The following TEX26 variants were observed in gnomAD, a reference collection of about 807,000 sequenced individuals.
The protein encoded by TEX26 is testis expressed 26.
Under a neutral mutation model 35.3 loss-of-function variants are expected in TEX26, and 34 were observed. The ratio of observed to expected loss-of-function variants is 0.96; its 90% CI spans 0.73 to 1.28. The LOEUF is 1.28. TEX26 is among the 50% of genes most tolerant of loss of function. The probability of loss-of-function intolerance (pLI) is 0.00; values close to 1 mark genes in which losing one functional copy is unlikely to be tolerated. For missense variants in TEX26, 371 were observed against 330.1 expected (o/e 1.12, Z -0.96); for synonymous variants, 136 against 111.8 (o/e 1.22, Z -1.36).
rs1391218980 is a variant in TEX26 at position 30,932,768 on chromosome 13, T to A, written c.53T>A (p.Leu18His). ...APDPSLCHHN[L>H]QPTDDPNWDS... ...GATCCCTCTCTCTGCCACCACAACCTCCAGCCAAGTAAGACAGCAGACTCT... is the reference window on the plus strand; with the variant it reads ...GATCCCTCTCTCTGCCACCACAACCACCAGCCAAGTAAGACAGCAGACTCT... Residue 18 changes from leucine to histidine, a missense_variant, in exon 1 of 7, where the codon CTC (leucine) becomes CAC (histidine). By Grantham distance (99) the Leu-to-His change is moderately conservative (BLOSUM62 -3). Coordinates refer to ENST00000380473, the MANE Select transcript of TEX26 (RefSeq NM_152325.3). 1 of 1,613,834 alleles carries A rather than the reference T, an allele frequency of 6.2e-7. No homozygotes were observed.
At position 30,939,721 on chromosome 13, in the gene TEX26, C is replaced by T; in HGVS notation, c.89C>T (p.Ala30Val). Reference protein sequence around the residue: ...PTDDPNWDSYATTMRTAFTPK... With the variant: ...PTDDPNWDSYVTTMRTAFTPK... ...GATGACCCCAACTGGGATTCCTATG[C>T]TACCACTATGAGGACTGCATTCACG... The change falls in exon 2 of 7, where the codon GCT (alanine) becomes GTT (valine). Residue 30 changes from alanine to valine, a missense_variant. Coordinates refer to ENST00000380473, the MANE Select transcript of TEX26 (RefSeq NM_152325.3). 6.2e-7 allele frequency: 1 copy of T among 1,614,080 alleles called. No homozygotes were observed. The highest frequency in any genetic ancestry group is 2.2e-5 in the East Asian group (1 of 44,880).
At chr13:30,937,197 C>A (rs754879169) in intron 1 of TEX26, among the ~76,000 whole-genome samples, 6 of 152,152 alleles carry the variant, frequency 3.9e-5, no homozygotes, top group Non-Finnish European at 5.9e-5. Context: ...GTCCGTCAGA[C>A]TCCTGATCCA....
chr13:30,949,803 C>T (rs957452855), intron 2 of TEX26, among the ~76,000 whole-genome samples: 6 of 152,022 alleles, frequency 3.9e-5, no homozygotes, highest in East Asian at 1.9e-4. Context: ...ATACCAATCA[C>T]GTATAAAAAC....
At chr13:30,952,262 G>A (rs569849916) in intron 2 of TEX26, among the ~76,000 whole-genome samples, 4 of 151,756 alleles carry the variant, frequency 2.6e-5, no homozygotes, top group African/African-American at 9.7e-5. Flanking sequence ...ATTTCATTAT[G>A]GGCTTGAAAC....
At chr13:30,955,445 A>C (rs1954092062) in intron 3 of TEX26, among the ~76,000 whole-genome samples, 1 of 152,226 alleles carries the variant, frequency 6.6e-6, no homozygotes, top group South Asian at 2.1e-4. Flanking sequence ...GATAAATCAT[A>C]ATTTTATGTA....
chr13:30,932,685 C>G lies in TEX26; in HGVS notation c.-31C>G, dbSNP rs1409235928. On this transcript the variant is annotated 5_prime_UTR_variant, in exon 1 of 7. Transcript: ENST00000380473. Reference sequence around the variant, plus strand: ...CCCGCAAGCGCTGAGATAGCTGGAGCCAGGGCCCCGCGGCCGCCTCCTGGG... The same window carrying G: ...CCCGCAAGCGCTGAGATAGCTGGAGGCAGGGCCCCGCGGCCGCCTCCTGGG... 1 of 1,606,788 alleles carries G rather than the reference C, an allele frequency of 6.2e-7. No individual in the cohort carries two copies. Among genetic ancestry groups the G allele is most frequent in the Non-Finnish European group, 8.5e-7 (1 of 1,177,326 alleles).
chr13:30,940,901 G>A (rs779135378), intron 2 of TEX26, among the ~76,000 whole-genome samples: 16 of 152,102 alleles, frequency 1.1e-4, no homozygotes, highest in Non-Finnish European at 1.8e-4. Context: ...TCACACCACT[G>A]CACTCCAGCC....
At chr13:30,970,970 G>T (rs1954692528) in intron 6 of TEX26, among the ~76,000 whole-genome samples, 1 of 152,198 alleles carries the variant, frequency 6.6e-6, no homozygotes, top group African/African-American at 2.4e-5. Flanking sequence ...TTTCTTCTTA[G>T]CTCTTCTGCT....
At chr13:30,940,186 T>C (rs528770794) in intron 2 of TEX26, among the ~76,000 whole-genome samples, 9 of 152,152 alleles carry the variant, frequency 5.9e-5, no homozygotes, top group African/African-American at 2.2e-4. Context: ...TCACCAAGAC[T>C]AGTCTTGGAA....
intron 1 of TEX26, among the ~76,000 whole-genome samples, chr13:30,938,543 C>T (rs1034792778): frequency 2.0e-5 from 3 of 152,058 alleles, no homozygotes; most frequent in African/African-American, 7.2e-5. Context: ...GCCACCAGTC[C>T]CATCAAGGGG....
intron 2 of TEX26, among the ~76,000 whole-genome samples, chr13:30,942,480 C>A (rs1297327246): frequency 6.6e-6 from 1 of 151,918 alleles, no homozygotes; most frequent in Non-Finnish European, 1.5e-5. Context: ...TCTGATTATT[C>A]TAATTATTCT....
Position 30,945,834 on chromosome 13 carries a change from TG to T in TEX26, c.146+6057del, listed in dbSNP as rs543546315. Among the ~76,000 whole-genome samples the T allele has an allele frequency of 6.5e-3, 980 of 151,894 alleles. 13 individuals carry two copies. The highest frequency in any genetic ancestry group is 0.023 in the African/African-American group (938 of 41,524). On this transcript the variant is annotated intron_variant, in intron 2 of 6. Coordinates refer to ENST00000380473, the MANE Select transcript of TEX26 (RefSeq NM_152325.3). Reference sequence around the variant, plus strand: ...GTTAGTCTGATAGGTTTTTTTGTTTTGTTTTGCTTTTTAATAGGTTACCTGA... The same window carrying T: ...GTTAGTCTGATAGGTTTTTTTGTTTTTTTTGCTTTTTAATAGGTTACCTGA...
chr13:30,950,507 G>A (rs1291790980), intron 2 of TEX26, among the ~76,000 whole-genome samples: 1 of 152,106 alleles, frequency 6.6e-6, no homozygotes, highest in African/African-American at 2.4e-5. Context: ...GATGATAAAT[G>A]CCTATCTTTA....
At chr13:30,942,610 T>C (rs1451076862) in intron 2 of TEX26, among the ~76,000 whole-genome samples, 2 of 152,150 alleles carry the variant, frequency 1.3e-5, no homozygotes, top group African/African-American at 4.8e-5. Context: ...CAGAAGAGTT[T>C]TTCCTAAGTT....
intron 2 of TEX26, among the ~76,000 whole-genome samples, chr13:30,950,319 T>C (rs1953871565): frequency 6.6e-6 from 1 of 152,074 alleles, no homozygotes; most frequent in Admixed American, 6.5e-5. Flanking sequence ...GACAGGAGAA[T>C]TGCTTGAACC....
chr13:30,939,724 C>A lies in TEX26; in HGVS notation c.92C>A (p.Thr31Asn), dbSNP rs1318629915. 1.9e-6 allele frequency: 3 copies of A among 1,613,968 alleles called. No homozygotes were observed. The East Asian group carries it at 6.7e-5, about 36-fold the overall frequency. Residue 31 changes from threonine to asparagine, a missense_variant, in exon 2 of 7, where the codon ACC becomes AAC. Transcript: ENST00000380473. ...TDDPNWDSYA[T>N]TMRTAFTPKT... The stretch of plus-strand genomic sequence containing the variant: ...GACCCCAACTGGGATTCCTATGCTA[C>A]CACTATGAGGACTGCATTCACGCCT...
intron 1 of TEX26, among the ~76,000 whole-genome samples, chr13:30,938,637 T>A (rs1271768434): frequency 1.3e-5 from 2 of 152,212 alleles, no homozygotes. Context: ...CATTTGGGGA[T>A]TAAGTTCCCA....
chr13:30,954,535 T>C (rs141524327), intron 3 of TEX26, among the ~76,000 whole-genome samples: 19 of 151,994 alleles, frequency 1.3e-4, no homozygotes, highest in Admixed American at 3.9e-4. Flanking sequence ...CAGAGGTCAC[T>C]ACAGCCTCGA....
intron 6 of TEX26, among the ~76,000 whole-genome samples, chr13:30,971,225 GC>G (rs1954700818): frequency 6.6e-6 from 1 of 152,208 alleles, no homozygotes; most frequent in Admixed American, 6.5e-5. Flanking sequence ...CTTGTGTCAG[GC>G]ATGGCACTGA....
Sources: allele counts gnomAD v4.1 joint callset (sites outside exome capture counted in the v4.1 genomes callset), GRCh38; gene constraint gnomAD v4.1.1; transcripts MANE v1.5; gene names NCBI Gene and HGNC (gene_info 2026-07-23, HGNC 2026-07-21).